STAU2: variants seen among roughly 807,000 people sequenced by gnomAD.
STAU2 encodes double-stranded RNA-binding protein Staufen homolog 2.
STAU2 carries 20 observed loss-of-function variants against 65.9 expected under a neutral mutation model. The ratio of observed to expected loss-of-function variants is 0.30; its 90% confidence interval spans 0.21 to 0.44. The LOEUF is 0.44. STAU2 is among the 20% of genes least tolerant of loss of function. The pLI is 1.00. For missense variants in STAU2, 558 were observed against 683.9 expected, an observed-to-expected ratio of 0.82 and a Z score of 2.05; for synonymous variants, 232 against 233.9, an observed-to-expected ratio of 0.99 and a Z score of 0.07.
chr8:73,632,198 G>A lies in STAU2; in HGVS notation c.411-14747C>T, dbSNP rs184546870. Among the ~76,000 whole-genome samples, 115 of 151,516 alleles carry A rather than the reference G, an allele frequency of 7.6e-4. No homozygotes were observed. In the South Asian group the frequency reaches 9.0e-3, roughly 12 times the overall value. On this transcript the variant is annotated intron_variant, in intron 6 of 14. Transcript: ENST00000524300. ...ACTGATTTGGATTTAGAAAAGATCA[G>A]AATATAAGATAGTTTTATTTCCATT...
At chr8:73,426,008 G>A (rs1420961545) in intron 13 of STAU2, among the ~76,000 whole-genome samples, 1 of 152,102 alleles carries the variant, frequency 6.6e-6, no homozygotes, top group Non-Finnish European at 1.5e-5. Flanking sequence ...GGCCAGGCTG[G>A]TCTTGAACTC....
rs115202574 is a variant in STAU2 at position 73,738,970 on chromosome 8, C to T, written c.-83-621G>A. 3.8e-3 allele frequency among the ~76,000 whole-genome samples: 576 copies of T among 151,978 alleles called. 4 individuals are homozygous for T. Among genetic ancestry groups the T allele is most frequent in the African/African-American group, 0.013 (552 of 41,470 alleles). On this transcript the variant is annotated intron_variant, in intron 2 of 14. Transcript: ENST00000524300. Reference sequence around the variant, plus strand: ...ATGTATATTAAAATTTCAGGCTGGGCGTGGTAATCCCAGCATTTTGGGAGG... The same window carrying T: ...ATGTATATTAAAATTTCAGGCTGGGTGTGGTAATCCCAGCATTTTGGGAGG...
chr8:73,444,407 CAAAAAAAA>C (rs55722523), intron 13 of STAU2, among the ~76,000 whole-genome samples: 2 of 128,404 alleles, frequency 1.6e-5, no homozygotes, highest in Non-Finnish European at 3.3e-5. Flanking sequence ...AAAACTCCAT[CAAAAAAAA>C]AAAAAAAAAA....
intron 5 of STAU2, among the ~76,000 whole-genome samples, chr8:73,681,569 AG>A (rs1818435358): frequency 6.6e-6 from 1 of 152,166 alleles, no homozygotes; most frequent in South Asian, 2.1e-4. Flanking sequence ...GAGAAAAAAC[AG>A]ACAAAAGGTA....
chr8:73,721,895 T>C (rs919609203), intron 3 of STAU2, among the ~76,000 whole-genome samples: 1 of 152,228 alleles, frequency 6.6e-6, no homozygotes, highest in Non-Finnish European at 1.5e-5. Context: ...TTACATTTAG[T>C]GTGACTATTC....
At chr8:73,563,685 A>T (rs542453999) in intron 12 of STAU2, among the ~76,000 whole-genome samples, 39 of 152,306 alleles carry the variant, frequency 2.6e-4, no homozygotes, top group African/African-American at 9.4e-4. Context: ...TAATTATTTT[A>T]AAATTTATTG....
chr8:73,503,389 G>T (rs1456908661), intron 13 of STAU2, among the ~76,000 whole-genome samples: 2 of 152,054 alleles, frequency 1.3e-5, no homozygotes, highest in Admixed American at 1.3e-4. Context: ...ATGATTCTCT[G>T]TTGGGAGTTC....
intron 13 of STAU2, among the ~76,000 whole-genome samples, chr8:73,543,818 C>T (rs1040837071): frequency 1.3e-5 from 2 of 152,114 alleles, no homozygotes; most frequent in African/African-American, 4.8e-5. Context: ...GGCCTTTGTC[C>T]ATTCTCCCTG....
intron 11 of STAU2, among the ~76,000 whole-genome samples, chr8:73,588,263 T>A (rs1810518138): frequency 6.6e-6 from 1 of 152,206 alleles, no homozygotes; most frequent in Non-Finnish European, 1.5e-5. Flanking sequence ...ACAAAAATGT[T>A]AACAGCTTTG....
intron 13 of STAU2, among the ~76,000 whole-genome samples, chr8:73,468,620 T>C (rs1360584989): frequency 3.3e-5 from 5 of 151,666 alleles, no homozygotes; most frequent in Non-Finnish European, 5.9e-5. Context: ...AAAAAACAAA[T>C]AACCCCATCA....
chr8:73,499,157 A>G (rs1188752049), intron 13 of STAU2, among the ~76,000 whole-genome samples: 3 of 151,840 alleles, frequency 2.0e-5, no homozygotes, highest in African/African-American at 4.8e-5. Context: ...ACTTACCTGC[A>G]CTATAGATTT....
Position 73,613,845 on chromosome 8 carries a change from C to A in STAU2, c.790G>T (p.Ala264Ser). The change falls in exon 9 of 15, where the codon GCT (alanine) becomes TCT (serine). Residue 264 changes from alanine (A) to serine (S), a missense_variant. Transcript: ENST00000524300. ...AGCTCCTGTAAGACGGTGGTCGCAG[C>A]GCGCTTCTTGGAGAGTTTTTTGCTA... ...GNSKKLSKKR[A>S]ATTVLQELKK... 1 of 1,613,552 alleles carries A rather than the reference C, an allele frequency of 6.2e-7. No homozygotes were observed. The highest frequency in any genetic ancestry group is 1.7e-5 in the Admixed American group (1 of 59,956).
At chr8:73,707,946 A>C (rs147518457) in intron 4 of STAU2, among the ~76,000 whole-genome samples, 1 of 152,218 alleles carries the variant, frequency 6.6e-6, no homozygotes, top group African/African-American at 2.4e-5. Flanking sequence ...AGACACTACA[A>C]CTTAGGCAAA....
intron 3 of STAU2, among the ~76,000 whole-genome samples, chr8:73,737,247 C>T (rs1398970816): frequency 6.6e-6 from 1 of 151,180 alleles, no homozygotes; most frequent in Non-Finnish European, 1.5e-5. Context: ...CTTGGCTCAC[C>T]GCAACCTCCG....
chr8:73,551,179 C>A, intron 13 of STAU2: 1 of 987,512 alleles, frequency 1.0e-6, no homozygotes, highest in Non-Finnish European at 1.2e-6. Context: ...TTTCCCCTTC[C>A]TAGAGTTTAC....
At position 73,467,614 on chromosome 8, in the gene STAU2, T is replaced by C. The variant is rs146657501; in HGVS notation, c.1531-44912A>G. ...GGTGGGGTGGGAAAGATATCATTTG[T>C]CCCCTTTTACAGCTAGGAAAACAAA... On this transcript the variant is annotated intron_variant, in intron 13 of 14. Transcript: ENST00000524300. Among the ~76,000 whole-genome samples the C allele has an allele frequency of 4.6e-3, 697 of 152,292 alleles. 1 individual carries two copies. The highest frequency in any genetic ancestry group is 0.019 in the South Asian group (94 of 4,822).
intron 5 of STAU2, among the ~76,000 whole-genome samples, chr8:73,681,765 G>C (rs2130471266): frequency 6.6e-6 from 1 of 152,158 alleles, no homozygotes; most frequent in South Asian, 2.1e-4. Context: ...ATAAACTGAA[G>C]GTAAAGGGGT....
intron 13 of STAU2, among the ~76,000 whole-genome samples, chr8:73,532,081 A>C (rs1388934609): frequency 6.6e-6 from 1 of 152,168 alleles, no homozygotes; most frequent in Non-Finnish European, 1.5e-5. Flanking sequence ...ACAGAAAGGG[A>C]GGTTGGATAT....
intron 13 of STAU2, among the ~76,000 whole-genome samples, chr8:73,443,091 A>T (rs1442625098): frequency 6.6e-6 from 1 of 152,248 alleles, no homozygotes. Flanking sequence ...GAAATGCCTG[A>T]CATTCAATTG....
Sources: gnomAD v4.1 joint callset for allele counts (sites outside exome capture counted in the v4.1 genomes callset) on GRCh38, gnomAD v4.1.1 for gene constraint, MANE v1.5 for transcripts, NCBI Gene and HGNC (gene_info 2026-07-23, HGNC 2026-07-21) for gene names.